The following FAT3 variants were observed in gnomAD, a reference collection of about 807,000 sequenced individuals.
FAT3 encodes the protein FAT atypical cadherin 3.
Under a neutral mutation model 310.2 loss-of-function variants are expected in FAT3, and 95 were observed. That is an observed-to-expected ratio of 0.31 (90% CI 0.26 to 0.36). The LOEUF (loss-of-function observed/expected upper bound fraction) is 0.36, where lower values mean the gene tolerates loss of function less well. FAT3 is among the 10% of genes least tolerant of loss of function. The pLI, the probability that FAT3 is intolerant of heterozygous loss-of-function variation, is 1.00. For synonymous variants in FAT3, 2,314 were observed against 2,192.9 expected, an observed-to-expected ratio of 1.06 and a Z score of -1.54; for missense variants, 5,408 against 5,715.6, an observed-to-expected ratio of 0.95 and a Z score of 1.74.
chr11:92,243,666 G>T (rs1315879575), intron 1 of FAT3, among the ~76,000 whole-genome samples: 1 of 152,122 alleles, frequency 6.6e-6, no homozygotes, highest in Admixed American at 6.6e-5. Context: ...GTTTGCAAAT[G>T]TAATGTTAGA....
intron 3 of FAT3, among the ~76,000 whole-genome samples, chr11:92,617,122 C>T (rs149456316): frequency 4.1e-4 from 62 of 152,284 alleles, no homozygotes; most frequent in African/African-American, 1.3e-3. Flanking sequence ...ACCAGTCAGA[C>T]GTATATTTGG....
chr11:92,474,394 C>T (rs957912292), intron 2 of FAT3, among the ~76,000 whole-genome samples: 2 of 152,080 alleles, frequency 1.3e-5, no homozygotes, highest in South Asian at 4.1e-4. Flanking sequence ...TATAAAAAGC[C>T]TCAAGCCACT....
intron 2 of FAT3, among the ~76,000 whole-genome samples, chr11:92,453,603 C>T (rs1056392616): frequency 6.6e-6 from 1 of 152,008 alleles, no homozygotes; most frequent in Non-Finnish European, 1.5e-5. Context: ...CATAGTCTAG[C>T]TCTGAGAAGT....
chr11:92,495,314 C>T (rs1358154615), intron 2 of FAT3, among the ~76,000 whole-genome samples: 1 of 152,002 alleles, frequency 6.6e-6, no homozygotes, highest in African/African-American at 2.4e-5. Flanking sequence ...AGTGACAGAG[C>T]TGGGGCTGGA....
intron 1 of FAT3, among the ~76,000 whole-genome samples, chr11:92,244,068 A>G (rs1159174554): frequency 6.6e-6 from 1 of 152,064 alleles, no homozygotes; most frequent in Non-Finnish European, 1.5e-5. Context: ...CAGAGTCAGA[A>G]TCTCTTTTTT....
intron 2 of FAT3, among the ~76,000 whole-genome samples, chr11:92,496,014 C>A (rs1242888901): frequency 6.6e-6 from 1 of 152,028 alleles, no homozygotes; most frequent in East Asian, 1.9e-4. Flanking sequence ...GTTGATCCAT[C>A]CAAAAGATGA....
rs188963574 is a variant in FAT3 at position 92,391,681 on chromosome 11, G to A, written c.3292+36277G>A. On this transcript the variant is annotated intron_variant, in intron 2 of 27. Transcript: ENST00000525166. ...TTTGTCCACTTTTCATTCAGTTAAT[G>A]ACAAATGTGGAGTATGCAAATGTTT... Among the ~76,000 whole-genome samples the A allele has an allele frequency of 2.6e-5, 4 of 152,150 alleles. No individual in the cohort carries two copies. In the East Asian group the frequency reaches 7.7e-4, roughly 29 times the overall value.
intron 4 of FAT3, among the ~76,000 whole-genome samples, chr11:92,712,593 G>GAAA (rs5793618): frequency 6.6e-6 from 1 of 151,596 alleles, no homozygotes; most frequent in Non-Finnish European, 1.5e-5. Context: ...GAATTAAAAT[G>GAAA]AAAAAAAATA....
At chr11:92,334,180 A>G (rs1947994558) in intron 1 of FAT3, among the ~76,000 whole-genome samples, 1 of 152,116 alleles carries the variant, frequency 6.6e-6, no homozygotes, top group Admixed American at 6.5e-5. Context: ...GTTTGAGATC[A>G]GCCTGGGCAA....
At chr11:92,382,768 T>C (rs1949526238) in intron 2 of FAT3, among the ~76,000 whole-genome samples, 1 of 152,138 alleles carries the variant, frequency 6.6e-6, no homozygotes, top group Non-Finnish European at 1.5e-5. Flanking sequence ...TCTTAAAGAG[T>C]GGTCCGCATG....
At chr11:92,270,547 A>G (rs1946096180) in intron 1 of FAT3, among the ~76,000 whole-genome samples, 1 of 151,786 alleles carries the variant, frequency 6.6e-6, no homozygotes, top group Non-Finnish European at 1.5e-5. Flanking sequence ...ATTGCTGGGC[A>G]TGGTGGCACA....
chr11:92,376,155 G>T (rs546132076), intron 2 of FAT3, among the ~76,000 whole-genome samples: 12 of 152,138 alleles, frequency 7.9e-5, no homozygotes, highest in African/African-American at 2.7e-4. Context: ...TAAAGAGTTT[G>T]TACCCCTGTA....
At chr11:92,560,347 G>A (rs1362499656) in intron 3 of FAT3, among the ~76,000 whole-genome samples, 1 of 152,016 alleles carries the variant, frequency 6.6e-6, no homozygotes, top group African/African-American at 2.4e-5. Flanking sequence ...TAGAAGACCC[G>A]TGTCAGATAT....
At chr11:92,542,898 A>G (rs1387793237) in intron 3 of FAT3, among the ~76,000 whole-genome samples, 3 of 152,168 alleles carry the variant, frequency 2.0e-5, no homozygotes, top group Non-Finnish European at 2.9e-5. Flanking sequence ...AGCACTTTTC[A>G]CAATAGCCAA....
intron 2 of FAT3, among the ~76,000 whole-genome samples, chr11:92,467,665 A>G (rs1000238046): frequency 6.6e-6 from 1 of 152,128 alleles, no homozygotes; most frequent in African/African-American, 2.4e-5. Context: ...TGCCTGTGCC[A>G]CCTGCTCTGT....
intron 13 of FAT3, among the ~76,000 whole-genome samples, chr11:92,815,399 C>T (rs1237868175): frequency 6.6e-6 from 1 of 152,002 alleles, no homozygotes; most frequent in Non-Finnish European, 1.5e-5. Context: ...CAGTGAAACC[C>T]TGTCTCTACT....
intron 2 of FAT3, among the ~76,000 whole-genome samples, chr11:92,420,215 T>C (rs1008990576): frequency 3.3e-5 from 5 of 152,354 alleles, no homozygotes; most frequent in African/African-American, 9.6e-5. Flanking sequence ...AGAAAAACTT[T>C]GCTGACTTCT....
At chr11:92,390,657 C>T (rs1232039156) in intron 2 of FAT3, among the ~76,000 whole-genome samples, 1 of 152,084 alleles carries the variant, frequency 6.6e-6, no homozygotes, top group South Asian at 2.1e-4. Context: ...AACAGGATTG[C>T]CCTGCAAGGA....
At chr11:92,722,326 A>G (rs1026533480) in intron 4 of FAT3, among the ~76,000 whole-genome samples, 1 of 152,188 alleles carries the variant, frequency 6.6e-6, no homozygotes, top group Non-Finnish European at 1.5e-5. Context: ...TAAAGCTCCA[A>G]AATGATCTCC....
Sources: gnomAD v4.1 joint callset for allele counts (sites outside exome capture counted in the v4.1 genomes callset) on GRCh38, gnomAD v4.1.1 for gene constraint, MANE v1.5 for transcripts, NCBI Gene and HGNC (gene_info 2026-07-23, HGNC 2026-07-21) for gene names.